TDRD7: variants seen among roughly 807,000 people sequenced by gnomAD.
TDRD7 encodes the protein tudor domain containing 7.
A neutral mutation model predicts 109.8 loss-of-function variants in TDRD7; 47 were observed. The ratio of observed to expected loss-of-function variants is 0.43; its 90% CI spans 0.34 to 0.55. The LOEUF (loss-of-function observed/expected upper bound fraction) is 0.55, where lower values mean the gene tolerates loss of function less well. Ranked by LOEUF, TDRD7 falls within the 20% of genes least tolerant of loss-of-function variation. The probability of loss-of-function intolerance (pLI) is 0.03; values close to 1 mark genes in which losing one functional copy is unlikely to be tolerated. For missense variants in TDRD7, 1,164 were observed against 1,319.2 expected, an observed-to-expected ratio of 0.88 and a Z score of 1.82; for synonymous variants, 424 against 457.3, an observed-to-expected ratio of 0.93 and a Z score of 0.93.
rs142095111 is a variant in TDRD7, at chr9:97,447,887, C to A, written c.855+6012C>A. Among the ~76,000 whole-genome samples, 1,232 of 152,276 alleles carry A rather than the reference C, an allele frequency of 8.1e-3. 12 individuals are homozygous for A. The highest frequency in any genetic ancestry group is 0.027 in the African/African-American group (1,132 of 41,542). On this transcript the variant is annotated intron_variant, in intron 6 of 16. Coordinates refer to ENST00000355295, the MANE Select transcript of TDRD7 (RefSeq NM_014290.3). ...GCAAGAGGCCTAACCTCAGGCCATGCTAAAGGGAAATGACTTGAAGTTTAT... is the reference window on the plus strand; with the variant it reads ...GCAAGAGGCCTAACCTCAGGCCATGATAAAGGGAAATGACTTGAAGTTTAT...
chr9:97,415,467 A>T (rs1207884558), intron 1 of TDRD7, among the ~76,000 whole-genome samples: 5 of 152,208 alleles, frequency 3.3e-5, no homozygotes, highest in Admixed American at 3.3e-4. Flanking sequence ...TAAAGAGAAA[A>T]GCTGTGAATT....
At chr9:97,482,761 G>T in intron 14 of TDRD7, 88 bp from the exon 15 acceptor site, 1 of 1,410,004 alleles carries the variant, frequency 7.1e-7, no homozygotes, top group Non-Finnish European at 9.8e-7. Flanking sequence ...GCAAAATACT[G>T]TGTTTTAATG....
At chr9:97,475,570 C>T (rs547984664) in intron 12 of TDRD7, 101 bp downstream of exon 12, 7 of 837,140 alleles carry the variant, frequency 8.4e-6, no homozygotes, top group Middle Eastern at 4.8e-4. Context: ...CTCACAGACT[C>T]ATCATCAGTT....
chr9:97,419,704 G>C (rs1587856156), intron 1 of TDRD7, among the ~76,000 whole-genome samples: 4 of 152,242 alleles, frequency 2.6e-5, no homozygotes, highest in Admixed American at 2.6e-4. Flanking sequence ...TGACTAAGTG[G>C]AGTCAGCTGT....
chr9:97,491,243 T>C (rs945954334), intron 16 of TDRD7, among the ~76,000 whole-genome samples: 1 of 152,148 alleles, frequency 6.6e-6, no homozygotes, highest in Non-Finnish European at 1.5e-5. Flanking sequence ...ACATTTCTGT[T>C]TTATTGTTTC....
At chr9:97,484,217 T>TA (rs1199504084) in intron 15 of TDRD7, among the ~76,000 whole-genome samples, 1 of 152,212 alleles carries the variant, frequency 6.6e-6, no homozygotes, top group African/African-American at 2.4e-5. Context: ...TACTTTCTCT[T>TA]ACATTTCTTT....
intron 11 of TDRD7, among the ~76,000 whole-genome samples, chr9:97,474,945 T>C (rs1587888377): frequency 6.6e-6 from 1 of 152,206 alleles, no homozygotes; most frequent in Non-Finnish European, 1.5e-5. Flanking sequence ...TTGATAACAT[T>C]TCTTTGTTTT....
At chr9:97,472,205 A>G (rs1351557534) in intron 9 of TDRD7, 88 bp from the exon 10 acceptor site, 15 of 1,217,770 alleles carry the variant, frequency 1.2e-5, no homozygotes, top group Non-Finnish European at 1.8e-5. Flanking sequence ...TATAATTTTA[A>G]TAATGGTCAA....
rs1301437707 is a variant in TDRD7 at position 97,483,223 on chromosome 9, C to G, written c.2787C>G (p.Ile929Met). ...PVACHPGYFV[I>M]QPWQEIHKLE... ...CCTGTCACCCAGGCTACTTCGTCATCCAGCCTTGGCAGGAGATACATAAGT... is the reference window on the plus strand; with the variant it reads ...CCTGTCACCCAGGCTACTTCGTCATGCAGCCTTGGCAGGAGATACATAAGT... The change falls in exon 15 of 17, where the codon ATC becomes ATG. Residue 929 changes from isoleucine (I) to methionine (M), a missense_variant. By Grantham distance (10) the Ile-to-Met change is conservative (BLOSUM62 1). Transcript: ENST00000355295. The G allele has an allele frequency of 6.2e-7, 1 of 1,613,152 alleles. No homozygotes were observed. The highest frequency in any genetic ancestry group is 1.3e-5 in the African/African-American group (1 of 74,862).
In TDRD7 at chr9:97,412,128, TG is replaced by T; in HGVS notation, c.-115del. On this transcript the variant is annotated 5_prime_UTR_variant, in exon 1 of 17. Transcript: ENST00000355295. The surrounding 1 kb of genome is among the most constrained non-coding windows in gnomAD (Gnocchi z 4.3). ...TTCCCAAGCCGCGGGGCGGCTCCGG[TG>T]GTGCGGGGAAACCGAAAGTGGGCGG... The T allele has an allele frequency of 6.5e-6, 1 of 153,028 alleles. No individual in the cohort carries two copies. The highest frequency in any genetic ancestry group is 1.9e-4 in the South Asian group (1 of 5,282). The allele number at this position is 153,028 out of a possible 1,614,324, so 9.5% of individuals were successfully genotyped here.
rs372005786 is a variant in TDRD7, at chr9:97,460,379, A to T, written c.1057A>T (p.Thr353Ser). 6.8e-6 allele frequency: 11 copies of T among 1,614,078 alleles called. No individual in the cohort carries two copies. The African/African-American group carries it at 9.3e-5, about 14-fold the overall frequency. ...EKVADLLVKY[T>S]SGLWASALPK... ...AGTGGCAGACCTGCTGGTGAAATAC[A>T]CAAGTGGCCTTTGGGCCAGTGCACT... is the stretch of plus-strand genomic sequence containing the variant. The change falls in exon 7 of 17, where the codon ACA (threonine) becomes TCA (serine). Residue 353 changes from threonine (T) to serine (S), a missense_variant. By Grantham distance (58) the Thr-to-Ser change is moderately conservative. Coordinates refer to ENST00000355295, the MANE Select transcript of TDRD7 (RefSeq NM_014290.3).
At chr9:97,453,583 C>G (rs534178556) in intron 6 of TDRD7, among the ~76,000 whole-genome samples, 3 of 151,924 alleles carry the variant, frequency 2.0e-5, no homozygotes, top group Non-Finnish European at 4.4e-5. Flanking sequence ...GAAGGGGAAC[C>G]CTTTTCCCCC....
chr9:97,475,414 C>A lies in TDRD7; in HGVS notation c.2111C>A (p.Pro704His). The change falls in exon 12 of 17, where the codon CCC (proline) becomes CAC (histidine). Residue 704 changes from proline (P) to histidine (H), a missense_variant. Coordinates refer to ENST00000355295, the MANE Select transcript of TDRD7 (RefSeq NM_014290.3). ...ACCTCTGAGTGCTTTGTTTCATTAC[C>A]CTTCTGTGGGAAAATCTGCCTCTTC... is the stretch of plus-strand genomic sequence containing the variant. ...HMTSECFVSL[P>H]FCGKICLFHC... The A allele has an allele frequency of 8.1e-6, 13 of 1,613,710 alleles. No homozygotes were observed. Among genetic ancestry groups the A allele is most frequent in the Non-Finnish European group, 1.1e-5 (13 of 1,179,760 alleles).
At position 97,472,350 on chromosome 9, in the gene TDRD7, G is replaced by C. The variant is rs867291993; in HGVS notation, c.1799G>C (p.Cys600Ser). 1 of 1,613,900 alleles carries C rather than the reference G, an allele frequency of 6.2e-7. No homozygotes were observed. Among genetic ancestry groups the C allele is most frequent in the South Asian group, 1.1e-5 (1 of 91,084 alleles). ...DLVKVVESLT[C>S]GKIFAVEILD... ...GTGAAGGTGGTTGAATCTTTAACTT[G>C]TGGAAAGATCTTTGCAGTGGAAATA... The change falls in exon 10 of 17, where the codon TGT (cysteine) becomes TCT (serine). Residue 600 changes from cysteine (C) to serine (S), a missense_variant. Transcript: ENST00000355295.
At position 97,480,868 on chromosome 9, in the gene TDRD7, G is replaced by A; in HGVS notation, c.2342G>A (p.Gly781Asp). Residue 781 changes from glycine (G) to aspartate (D), a missense_variant, in exon 14 of 17, where the codon GGC (glycine) becomes GAC (aspartate). Around this residue, in one of 5 missense-constraint regions of TDRD7, gnomAD observed 233 missense variants for 218.0 expected, o/e 1.07. Coordinates refer to ENST00000355295, the MANE Select transcript of TDRD7 (RefSeq NM_014290.3). ...TTAGCAGATCTTCCACAATCTATTG[G>A]CATGTGGACACCAGATGCAGTGCTG... ...CCLADLPQSI[G>D]MWTPDAVLWL... 6.2e-7 allele frequency: 1 copy of A among 1,614,092 alleles called. No individual in the cohort carries two copies. The highest frequency in any genetic ancestry group is 1.1e-5 in the South Asian group (1 of 91,086).
chr9:97,449,918 C>T (rs1828462584), intron 6 of TDRD7, among the ~76,000 whole-genome samples: 1 of 152,184 alleles, frequency 6.6e-6, no homozygotes, highest in African/African-American at 2.4e-5. Flanking sequence ...GTATCACAGC[C>T]TCACATCTGC....
intron 6 of TDRD7, among the ~76,000 whole-genome samples, chr9:97,445,054 C>T (rs1828376418): frequency 6.6e-6 from 1 of 152,208 alleles, no homozygotes; most frequent in South Asian, 2.1e-4. Flanking sequence ...AGGGAGAACA[C>T]AGAGTTATTC....
At position 97,483,118 on chromosome 9, in the gene TDRD7, C is replaced by T. The variant is rs138199272; in HGVS notation, c.2682C>T (p.Ser894=). The T allele has an allele frequency of 2.5e-5, 41 of 1,614,048 alleles. No homozygotes were observed. In the African/African-American group the frequency reaches 4.0e-4, roughly 16 times the overall value. ...VIKKSMVDHT[S]AFSTEELPPP... ...AAAAGTCCATGGTGGACCATACGAGCGCTTTCTCCACAGAGGAACTGCCAC... is the reference window on the plus strand; with the variant it reads ...AAAAGTCCATGGTGGACCATACGAGTGCTTTCTCCACAGAGGAACTGCCAC... The change falls in exon 15 of 17, where the codon AGC becomes AGT. Residue 894 remains serine (S), a synonymous_variant. Coordinates refer to ENST00000355295, the MANE Select transcript of TDRD7 (RefSeq NM_014290.3).
intron 7 of TDRD7, among the ~76,000 whole-genome samples, chr9:97,462,806 A>G (rs910508983): frequency 1.3e-5 from 2 of 152,102 alleles, no homozygotes; most frequent in Non-Finnish European, 2.9e-5. Context: ...TCTTCCCCCT[A>G]TCTGTGCAGC....
Sources: gnomAD v4.1 joint callset for allele counts (sites outside exome capture counted in the v4.1 genomes callset) on GRCh38, gnomAD v4.1.1 for gene constraint, gnomAD v4.1.1 regional missense constraint, Gnocchi (gnomAD v3.1) non-coding constraint, MANE v1.5 for transcripts, NCBI Gene and HGNC (gene_info 2026-07-23, HGNC 2026-07-21) for gene names.